Variants in PRPF6 observed in about 807,000 individuals in gnomAD.
PRPF6 encodes the protein pre-mRNA processing factor 6, also known as pre-mRNA-processing factor 6.
A neutral mutation model predicts 118.3 loss-of-function variants in PRPF6; 42 were observed. That is an observed-to-expected ratio of 0.35 (90% confidence interval 0.28 to 0.46). The LOEUF is 0.46. PRPF6 is among the 20% of genes least tolerant of loss of function. The pLI, the probability that PRPF6 is intolerant of heterozygous loss-of-function variation, is 1.00. For synonymous variants in PRPF6, 481 were observed against 485.1 expected (o/e 0.99, Z 0.11); for missense variants, 662 against 1,255.7 (o/e 0.53, Z 7.15).
intron 12 of PRPF6, among the ~76,000 whole-genome samples, chr20:64,018,012 G>A (rs1395352267): frequency 6.6e-6 from 1 of 152,182 alleles, no homozygotes; most frequent in African/African-American, 2.4e-5. Flanking sequence ...AAACCAGCCT[G>A]GGCAACATGG....
intron 7 of PRPF6, 94 bp from the exon 8 acceptor site, chr20:63,999,509 T>TA: frequency 6.6e-7 from 1 of 1,506,032 alleles, no homozygotes; most frequent in Non-Finnish European, 9.2e-7. Context: ...TGATAGTTCT[T>TA]ACATTGTGAC....
chr20:64,033,022 G>C lies in PRPF6; in HGVS notation c.*29G>C, dbSNP rs774762865. The stretch of plus-strand genomic sequence containing the variant: ...AGCGGTTGCCATGGCCGGTCTCCGT[G>C]GGGCAGGGTTGGGCCGCATGTGGAA... On this transcript the variant is annotated 3_prime_UTR_variant, in exon 21 of 21. Transcript: ENST00000266079. The C allele has an allele frequency of 3.7e-6, 6 of 1,612,584 alleles. No individual in the cohort carries two copies. The South Asian group carries it at 6.6e-5, about 18-fold the overall frequency.
intron 3 of PRPF6, among the ~76,000 whole-genome samples, chr20:63,988,510 A>G (rs1397643733): frequency 1.3e-5 from 2 of 151,686 alleles, no homozygotes; most frequent in Non-Finnish European, 2.9e-5. Context: ...ATAAAAGAAA[A>G]TATCCATACT....
At chr20:64,016,592 C>A in intron 11 of PRPF6, 131 bp from the exon 12 acceptor site, 1 of 1,202,608 alleles carries the variant, frequency 8.3e-7, no homozygotes. Context: ...TCCTCAGATC[C>A]CCAGTAGGCA....
At position 64,033,049 on chromosome 20, in the gene PRPF6, G is replaced by A; in HGVS notation, c.*56G>A. On this transcript the variant is annotated 3_prime_UTR_variant, in exon 21 of 21. Transcript: ENST00000266079. ...GGCAGGGTTGGGCCGCATGTGGAAG[G>A]GCTCTGAGCTGTGTCCTCCTTCATT... The A allele has an allele frequency of 2.5e-6, 4 of 1,607,378 alleles. No individual in the cohort carries two copies. Among genetic ancestry groups the A allele is most frequent in the Non-Finnish European group, 2.5e-6 (3 of 1,176,552 alleles).
At chr20:64,007,891 C>T (rs2059197903) in intron 9 of PRPF6, among the ~76,000 whole-genome samples, 1 of 152,186 alleles carries the variant, frequency 6.6e-6, no homozygotes, top group Non-Finnish European at 1.5e-5. Context: ...ATTCTCCTGC[C>T]TCAGCCTCCC....
intron 1 of PRPF6, among the ~76,000 whole-genome samples, chr20:63,981,578 G>A (rs1408156860): frequency 6.6e-6 from 1 of 152,130 alleles, no homozygotes; most frequent in Non-Finnish European, 1.5e-5. Flanking sequence ...GGTCTGCAGT[G>A]AGGAGTAGAG....
chr20:64,004,177 T>C (rs187631708), intron 9 of PRPF6, among the ~76,000 whole-genome samples: 4 of 152,216 alleles, frequency 2.6e-5, no homozygotes, highest in Non-Finnish European at 4.4e-5. Context: ...GATGGGAGTA[T>C]GCTGTTGGAG....
intron 3 of PRPF6, among the ~76,000 whole-genome samples, chr20:63,985,645 G>A (rs1357940131): frequency 6.6e-6 from 1 of 152,164 alleles, no homozygotes; most frequent in Admixed American, 6.5e-5. Flanking sequence ...TATATGTTGA[G>A]TAATTTGCAA....
In PRPF6 at chr20:64,027,123, A is replaced by G. The variant is rs2059294605; in HGVS notation, c.2170A>G (p.Met724Val). ...MKGQIEEQKE[M>V]MEKAREAYNQ... is the part of the protein sequence containing the mutation. ...GGGGCAGATCGAGGAGCAGAAGGAG[A>G]TGATGGAGAAGGCGCGGGAAGCCTA... The change falls in exon 16 of 21, where the codon ATG becomes GTG. Residue 724 changes from methionine to valine, a missense_variant. Coordinates refer to ENST00000266079, the MANE Select transcript of PRPF6 (RefSeq NM_012469.4). This position sits in a 1 kb window ranked among gnomAD's most constrained non-coding sequence, Gnocchi z 6.5. The G allele has an allele frequency of 3.1e-6, 5 of 1,613,810 alleles. No individual in the cohort carries two copies. Among genetic ancestry groups the G allele is most frequent in the Non-Finnish European group, 4.2e-6 (5 of 1,180,024 alleles).
intron 2 of PRPF6, among the ~76,000 whole-genome samples, chr20:63,983,691 G>T (rs1017261117): frequency 2.3e-5 from 3 of 127,974 alleles, no homozygotes; most frequent in African/African-American, 9.0e-5. Context: ...TTTCGCTCTT[G>T]TTGGCCAGGC....
At chr20:64,023,981 G>C (rs148539003) in intron 13 of PRPF6, among the ~76,000 whole-genome samples, 1 of 152,158 alleles carries the variant, frequency 6.6e-6, no homozygotes, top group African/African-American at 2.4e-5. Flanking sequence ...GATTGTGTGT[G>C]GTCACTTTGT....
intron 12 of PRPF6, among the ~76,000 whole-genome samples, chr20:64,021,948 T>C (rs1443140995): frequency 6.6e-6 from 1 of 151,848 alleles, no homozygotes; most frequent in African/African-American, 2.4e-5. Flanking sequence ...TGTGTGCGTG[T>C]GTGTGTGTGT....
At chr20:64,021,146 T>C (rs2059260574) in intron 12 of PRPF6, among the ~76,000 whole-genome samples, 1 of 152,286 alleles carries the variant, frequency 6.6e-6, no homozygotes, top group Non-Finnish European at 1.5e-5. Context: ...AGCATGTGTG[T>C]GTGTGTGTAC....
At chr20:63,997,459 T>TG (rs2059145847) in intron 6 of PRPF6, among the ~76,000 whole-genome samples, 1 of 142,758 alleles carries the variant, frequency 7.0e-6, no homozygotes, top group African/African-American at 2.7e-5. Context: ...CCCAGCTAAT[T>TG]TTTTTTTTTT....
At chr20:64,032,531 G>T (rs1259106282) in intron 20 of PRPF6, among the ~76,000 whole-genome samples, 2 of 152,084 alleles carry the variant, frequency 1.3e-5, no homozygotes, top group Non-Finnish European at 1.5e-5. Flanking sequence ...GCCAGCCCAC[G>T]TGAACCCTAA....
At position 64,027,293 on chromosome 20, in the gene PRPF6, C is replaced by T. The variant is rs2059295345; in HGVS notation, c.2205+135C>T. The T allele has an allele frequency of 4.1e-6, 5 of 1,208,904 alleles. No individual in the cohort carries two copies. The highest frequency in any genetic ancestry group is 5.9e-6 in the Non-Finnish European group (5 of 844,846). The allele number at this position is 1,208,904 out of a possible 1,614,324, so 74.9% of individuals were successfully genotyped here. A position where few individuals can be genotyped will look rare whatever the true frequency, so the allele number is the denominator to read the frequency against. Reference sequence around the variant, plus strand: ...GGGTTACAGCTGATGGAGCTGCAGACTCAGGACCCAAACCCTGGTCCCCTC... The same window carrying T: ...GGGTTACAGCTGATGGAGCTGCAGATTCAGGACCCAAACCCTGGTCCCCTC... On this transcript the variant is annotated intron_variant, in intron 16 of 20. Transcript: ENST00000266079. This position sits in a 1 kb window ranked among gnomAD's most constrained non-coding sequence, Gnocchi z 6.5.
chr20:64,020,181 C>T lies in PRPF6; in HGVS notation c.1648-2576C>T, dbSNP rs540891734. On this transcript the variant is annotated intron_variant, in intron 12 of 20. Coordinates refer to ENST00000266079, the MANE Select transcript of PRPF6 (RefSeq NM_012469.4). ...TGGAATCCCAGCACTTTTGGGAGGC[C>T]GAGGTGGGTGGATCACTTGAGGTCA... Among the ~76,000 whole-genome samples the T allele has an allele frequency of 7.2e-5, 11 of 152,204 alleles. No individual in the cohort carries two copies. In the East Asian group the frequency reaches 1.2e-3, roughly 16 times the overall value.
At chr20:64,030,993 C>T (rs1016544093) in intron 19 of PRPF6, among the ~76,000 whole-genome samples, 11 of 152,344 alleles carry the variant, frequency 7.2e-5, no homozygotes, top group African/African-American at 2.6e-4. Flanking sequence ...CAGCAGCCAG[C>T]GCCCGCCATC....
Sources: allele counts gnomAD v4.1 joint callset (sites outside exome capture counted in the v4.1 genomes callset), GRCh38; gene constraint gnomAD v4.1.1; non-coding constraint Gnocchi (gnomAD v3.1); transcripts MANE v1.5; gene names NCBI Gene and HGNC (gene_info 2026-07-23, HGNC 2026-07-21).